KLHL11: variants seen among roughly 807,000 people sequenced by gnomAD.
KLHL11 encodes kelch like family member 11.
KLHL11 carries 26 observed loss-of-function variants against 56.1 expected under a neutral mutation model. That is an observed-to-expected ratio of 0.46 (90% CI 0.34 to 0.64). The LOEUF (loss-of-function observed/expected upper bound fraction) is 0.64, where lower values mean the gene tolerates loss of function less well. KLHL11 is among the 30% of genes least tolerant of loss of function. The probability of loss-of-function intolerance (pLI) is 0.01; values close to 1 mark genes in which losing one functional copy is unlikely to be tolerated. For synonymous variants in KLHL11, 338 were observed against 345.8 expected (o/e 0.98, Z 0.25); for missense variants, 627 against 919.4 (o/e 0.68, Z 4.11).
rs2048331590 is a variant in KLHL11 at position 41,851,484 on chromosome 17, C to G, written c.*2256G>C. ...GGGCGTGGTGGTACACACCTGCAAT[C>G]CCAGCTACTCAGCAGGCTGAGGCAG... On this transcript the variant is annotated 3_prime_UTR_variant, in exon 2 of 2. Transcript: ENST00000319121. 6.6e-6 allele frequency: 1 copy of G among 151,550 alleles called. No homozygotes were observed. The highest frequency in any genetic ancestry group is 1.9e-4 in the East Asian group (1 of 5,164). The allele number at this position is 151,550 out of a possible 1,614,324, so 9.4% of individuals were successfully genotyped here. A position where few individuals can be genotyped will look rare whatever the true frequency, so the allele number is the denominator to read the frequency against.
At chr17:41,858,781 G>T (rs781940098) in intron 1 of KLHL11, among the ~76,000 whole-genome samples, 7 of 151,246 alleles carry the variant, frequency 4.6e-5, no homozygotes, top group Non-Finnish European at 8.8e-5. Flanking sequence ...ACAAGGTTTT[G>T]CCATGTTGGC....
Position 41,854,787 on chromosome 17 carries a change from C to T in KLHL11, c.1080G>A (p.Val360=), listed in dbSNP as rs2048354741. The T allele has an allele frequency of 6.2e-7, 1 of 1,614,096 alleles. No individual in the cohort carries two copies. The highest frequency in any genetic ancestry group is 1.7e-5 in the Admixed American group (1 of 60,002). Residue 360 remains valine, a synonymous_variant, in exon 2 of 2, where the codon GTG becomes GTA. Transcript: ENST00000319121. The surrounding 1 kb of genome is among the most constrained non-coding windows in gnomAD (Gnocchi z 4.9). Reference sequence around the variant, plus strand: ...CTGACACACCTCCAATAACCATGATCACATCCATGTTTTGCCCATAACGAG... The same window carrying T: ...CTGACACACCTCCAATAACCATGATTACATCCATGTTTTGCCCATAACGAG... ...LLPRYGQNMD[V]IMVIGGVSEG...
chr17:41,857,575 T>TTTA (rs1444136719), intron 1 of KLHL11, among the ~76,000 whole-genome samples: 6 of 150,814 alleles, frequency 4.0e-5, no homozygotes, highest in Admixed American at 6.6e-5. Context: ...TTTATATTAG[T>TTTA]TTATATAATT....
chr17:41,857,841 T>A (rs1218836865), intron 1 of KLHL11, among the ~76,000 whole-genome samples: 2 of 151,948 alleles, frequency 1.3e-5, no homozygotes, highest in Non-Finnish European at 2.9e-5. Context: ...TTAGAGACGG[T>A]GTTTCACTCT....
intron 1 of KLHL11, among the ~76,000 whole-genome samples, chr17:41,855,992 C>CAA (rs1172790734): frequency 2.7e-5 from 4 of 150,138 alleles, no homozygotes; most frequent in Admixed American, 6.6e-5. Context: ...ATCCCCCCCC[C>CAA]AAAAAAAAAC....
chr17:41,862,945 T>C (rs1302760018), intron 1 of KLHL11, among the ~76,000 whole-genome samples: 1 of 152,170 alleles, frequency 6.6e-6, no homozygotes, highest in Non-Finnish European at 1.5e-5. Flanking sequence ...CACATCTTAA[T>C]AATTCCATCC....
Position 41,865,056 on chromosome 17 carries a change from G to A in KLHL11, c.315C>T (p.Gly105=). The A allele has an allele frequency of 1.3e-6, 2 of 1,588,916 alleles. No individual in the cohort carries two copies. The highest frequency in any genetic ancestry group is 1.1e-5 in the South Asian group (1 of 88,662). Residue 105 remains glycine, a synonymous_variant, in exon 1 of 2, where the codon GGC becomes GGT. Transcript: ENST00000319121. ...DITLCFGGAG[G]REFRAHRSVL... ...CCGAGCGGTGGGCCCGGAACTCGCG[G>A]CCTCCAGCCCCGCCGAAGCACAGGG... is the stretch of plus-strand genomic sequence containing the variant.
rs901134666 is a variant in KLHL11, at chr17:41,853,234, A to T, written c.*506T>A. On this transcript the variant is annotated 3_prime_UTR_variant, in exon 2 of 2. Transcript: ENST00000319121. ...ATATCAATGCAAACATTCTCAAATT[A>T]TCTTGCTGAAATATTGAGTGTTTTC... 6.6e-6 allele frequency among the ~76,000 whole-genome samples: 1 copy of T among 152,250 alleles called. No individual in the cohort carries two copies. Among genetic ancestry groups the T allele is most frequent in the African/African-American group, 2.4e-5 (1 of 41,466 alleles).
At position 41,865,107 on chromosome 17, in the gene KLHL11, C is replaced by G. The variant is rs1297092292; in HGVS notation, c.264G>C (p.Arg88=). The change falls in exon 1 of 2, where the codon CGG becomes CGC. Residue 88 remains arginine (R), a synonymous_variant. Coordinates refer to ENST00000319121, the MANE Select transcript of KLHL11 (RefSeq NM_018143.3). The stretch of plus-strand genomic sequence containing the variant: ...TAATGTCGCAGAAGAGGCCCTGGCG[C>G]CGCTGCTCGTTCTGCCGCCAGGACA... ...SELSWRQNEQ[R]RQGLFCDITL... is the part of the protein sequence containing the mutation. 4 of 1,605,604 alleles carry G rather than the reference C, an allele frequency of 2.5e-6. No individual in the cohort carries two copies. In the Admixed American group the frequency reaches 5.0e-5, roughly 20 times the overall value.
Position 41,854,568 on chromosome 17 carries a change from C to G in KLHL11, c.1299G>C (p.Trp433Cys). ...TTGTCATCAGACTACAAACATGTTC[C>G]CATGTATTCAAATTTGGGTTATACC... is the stretch of plus-strand genomic sequence containing the variant. ...VERYNPNLNT[W>C]EHVCSLMTRK... The change falls in exon 2 of 2, where the codon TGG becomes TGC. Residue 433 changes from tryptophan to cysteine, a missense_variant. Around this residue, in one of 4 missense-constraint regions of KLHL11, gnomAD observed 250 missense variants for 360.6 expected, o/e 0.69. Coordinates refer to ENST00000319121, the MANE Select transcript of KLHL11 (RefSeq NM_018143.3). This position sits in a 1 kb window ranked among gnomAD's most constrained non-coding sequence, Gnocchi z 4.9. The G allele has an allele frequency of 6.2e-7, 1 of 1,614,156 alleles. No individual in the cohort carries two copies.
chr17:41,861,492 C>T (rs193027874), intron 1 of KLHL11, among the ~76,000 whole-genome samples: 101 of 152,106 alleles, frequency 6.6e-4, no homozygotes, highest in Non-Finnish European at 1.1e-3. Context: ...TCGAGACCAG[C>T]CTGGCCGATA....
chr17:41,853,562 G>C lies in KLHL11; in HGVS notation c.*178C>G, dbSNP rs1234225660. 1.9e-5 allele frequency: 12 copies of C among 623,056 alleles called. No individual in the cohort carries two copies. In the African/African-American group the frequency reaches 2.1e-4, roughly 11 times the overall value. 38.6% of individuals were successfully genotyped at this position (623,056 alleles called of 1,614,324 possible). On this transcript the variant is annotated 3_prime_UTR_variant, in exon 2 of 2. Transcript: ENST00000319121. ...GACAAAAATTGCAAGCTAACAAAAT[G>C]ACCATGTATTGAACTGAGTCTCCCA...
chr17:41,858,404 A>ATT (rs1555622755), intron 1 of KLHL11, among the ~76,000 whole-genome samples: 6 of 66,896 alleles, frequency 9.0e-5, no homozygotes, highest in African/African-American at 2.8e-4. Context: ...ATATATATAT[A>ATT]TTTTTTGTTG....
chr17:41,854,429 T>A lies in KLHL11; in HGVS notation c.1438A>T (p.Lys480Ter). 3.7e-6 allele frequency: 6 copies of A among 1,614,220 alleles called. No homozygotes were observed. Among genetic ancestry groups the A allele is most frequent in the Non-Finnish European group, 5.1e-6 (6 of 1,180,042 alleles). Residue 480 changes from lysine to a stop codon, truncating the protein, a stop_gained, in exon 2 of 2, where the codon AAA (lysine) becomes TAA (stop). Transcript: ENST00000319121. LOFTEE classifies it high-confidence loss of function. The surrounding 1 kb of genome is among the most constrained non-coding windows in gnomAD (Gnocchi z 4.9). ...DVTVYNPELD[K>*]WHNLESAPKI... is the part of the protein sequence containing the mutation. ...GGTGCCGATTCCAAGTTGTGCCATT[T>A]ATCAAGCTCAGGATTATAAACAGTC...
intron 1 of KLHL11, among the ~76,000 whole-genome samples, chr17:41,862,048 C>T (rs1421991922): frequency 6.6e-6 from 1 of 152,056 alleles, no homozygotes; most frequent in Non-Finnish European, 1.5e-5. Flanking sequence ...CCTTGATATC[C>T]TTCTTTTCTA....
rs1389458231 is a variant in KLHL11 at position 41,851,615 on chromosome 17, A to G, written c.*2125T>C. ...TGACTGTTTCAAAAAAAAAAAAAAA[A>G]GTTATTTTGAGGCCGGGCGTGGTGG... On this transcript the variant is annotated 3_prime_UTR_variant, in exon 2 of 2. Coordinates refer to ENST00000319121, the MANE Select transcript of KLHL11 (RefSeq NM_018143.3). Among the ~76,000 whole-genome samples the G allele has an allele frequency of 6.6e-6, 1 of 151,188 alleles. No individual in the cohort carries two copies. Among genetic ancestry groups the G allele is most frequent in the Non-Finnish European group, 1.5e-5 (1 of 67,842 alleles).
chr17:41,865,181 G>T lies in KLHL11; in HGVS notation c.190C>A (p.Pro64Thr). Residue 64 changes from proline (P) to threonine (T), a missense_variant, in exon 1 of 2, where the codon CCG becomes ACG. Physicochemically the swap from Pro to Thr is conservative, Grantham distance 38. Around this residue, in one of 4 missense-constraint regions of KLHL11, gnomAD observed 121 missense variants for 116.2 expected, o/e 1.04. Coordinates refer to ENST00000319121, the MANE Select transcript of KLHL11 (RefSeq NM_018143.3). ...ISAMEASGGD[P>T]GPEAEDFECS... ...TCGAAATCCTCGGCTTCTGGGCCCG[G>T]ATCGCCCCCGCTCGCCTCCATTGCA... The T allele has an allele frequency of 6.2e-7, 1 of 1,610,010 alleles. No homozygotes were observed.
chr17:41,865,348 GCCGCCA>G lies in KLHL11; in HGVS notation c.17_22del (p.Val6_Ala7del). ...TGCAGCCGCGGCCGCCGCCGCCGCC[GCCGCCA>G]CTGCCGCAGCCGCCATCTTGACGCC... On this transcript the variant is annotated inframe_deletion, in exon 1 of 2. Transcript: ENST00000319121. 1 of 1,440,698 alleles carries G rather than the reference GCCGCCA, an allele frequency of 6.9e-7. No homozygotes were observed. The highest frequency in any genetic ancestry group is 1.4e-5 in the South Asian group (1 of 69,104). 89.2% of individuals were successfully genotyped at this position (1,440,698 alleles called of 1,614,324 possible).
rs1421809594 is a variant in KLHL11 at position 41,853,671 on chromosome 17, A to G, written c.*69T>C. 87 of 1,506,916 alleles carry G rather than the reference A, an allele frequency of 5.8e-5. No individual in the cohort carries two copies. The highest frequency in any genetic ancestry group is 2.8e-5 in the African/African-American group (2 of 71,826). The allele number at this position is 1,506,916 out of a possible 1,614,324, so 93.3% of individuals were successfully genotyped here. A position where few individuals can be genotyped will look rare whatever the true frequency, so the allele number is the denominator to read the frequency against. ...ATAAGTTATCGACATACTTTTTTAAATAACAGCCTGGGTATCTTCAGCTTC... is the reference window on the plus strand; with the variant it reads ...ATAAGTTATCGACATACTTTTTTAAGTAACAGCCTGGGTATCTTCAGCTTC... On this transcript the variant is annotated 3_prime_UTR_variant, in exon 2 of 2. Transcript: ENST00000319121.
Sources: gnomAD v4.1 joint callset for allele counts (sites outside exome capture counted in the v4.1 genomes callset) on GRCh38, gnomAD v4.1.1 for gene constraint, gnomAD v4.1.1 regional missense constraint, Gnocchi (gnomAD v3.1) non-coding constraint, MANE v1.5 for transcripts, NCBI Gene and HGNC (gene_info 2026-07-23, HGNC 2026-07-21) for gene names.